The following ACLY variants were observed in gnomAD, a reference collection of about 807,000 sequenced individuals.
The protein encoded by ACLY is ATP-citrate synthase.
ACLY carries 41 observed loss-of-function variants against 133.0 expected under a neutral mutation model. That is an observed-to-expected ratio of 0.31 (90% CI 0.24 to 0.40). ACLY has a LOEUF of 0.40. Ranked by LOEUF, ACLY falls within the 10% of genes least tolerant of loss-of-function variation. The pLI is 1.00. For synonymous variants in ACLY, 495 were observed against 549.3 expected (o/e 0.90, Z 1.38); for missense variants, 1,046 against 1,453.8 (o/e 0.72, Z 4.56).
intron 4 of ACLY, 97 bp downstream of exon 4, chr17:41,910,125 C>T: frequency 1.6e-6 from 2 of 1,259,638 alleles, no homozygotes. Context: ...GTCCCTCTGA[C>T]TGTCCTCATC....
intron 1 of ACLY, among the ~76,000 whole-genome samples, chr17:41,925,019 C>G (rs182851991): frequency 7.2e-4 from 98 of 135,486 alleles, no homozygotes; most frequent in Non-Finnish European, 1.1e-3. Context: ...AAACTTATCT[C>G]TGAATGAGTT....
At position 41,912,508 on chromosome 17, in the gene ACLY, C is replaced by T. The variant is rs2049934044; in HGVS notation, c.194G>A (p.Arg65His). 4 of 1,614,196 alleles carry T rather than the reference C, an allele frequency of 2.5e-6. No individual in the cohort carries two copies. The highest frequency in any genetic ancestry group is 1.7e-5 in the Admixed American group (1 of 60,016). The change falls in exon 3 of 29, where the codon CGT (arginine) becomes CAT (histidine). Residue 65 changes from arginine to histidine, a missense_variant. By Grantham distance (29) the Arg-to-His change is conservative. Transcript: ENST00000352035. ...CCCAACGAGACCAAGTTTTCCACGACGTTTGATCAGCTGGTCTGGCTTGAC... is the reference window on the plus strand; with the variant it reads ...CCCAACGAGACCAAGTTTTCCACGATGTTTGATCAGCTGGTCTGGCTTGAC... ...LVVKPDQLIK[R>H]RGKLGLVGVN...
chr17:41,876,928 A>G (rs1555626293), intron 22 of ACLY, among the ~76,000 whole-genome samples: 1 of 151,932 alleles, frequency 6.6e-6, no homozygotes, highest in Admixed American at 6.6e-5. Context: ...AAAATAAAAA[A>G]GGAAAAAAAA....
intron 1 of ACLY, among the ~76,000 whole-genome samples, chr17:41,916,530 C>T (rs530291061): frequency 2.7e-3 from 200 of 73,776 alleles, no homozygotes; most frequent in South Asian, 0.015. Flanking sequence ...CACGCCACCA[C>T]GCCCATCTAA....
chr17:41,925,253 G>C (rs2050229140), intron 1 of ACLY, among the ~76,000 whole-genome samples: 1 of 151,444 alleles, frequency 6.6e-6, no homozygotes, highest in Admixed American at 6.6e-5. Flanking sequence ...CTGGGCGACA[G>C]AGCGAAACTC....
intron 18 of ACLY, among the ~76,000 whole-genome samples, chr17:41,885,740 G>A (rs2049031130): frequency 6.6e-6 from 1 of 152,108 alleles, no homozygotes; most frequent in Non-Finnish European, 1.5e-5. Flanking sequence ...TTAAGTAACC[G>A]GACCAGGATG....
chr17:41,873,791 C>T lies in ACLY; in HGVS notation c.2642+20G>A. 6.5e-7 allele frequency: 1 copy of T among 1,541,068 alleles called. No homozygotes were observed. Among genetic ancestry groups the T allele is most frequent in the Non-Finnish European group, 8.8e-7 (1 of 1,137,402 alleles). On this transcript the variant is annotated intron_variant, in intron 23 of 28. Coordinates refer to ENST00000352035, the MANE Select transcript of ACLY (RefSeq NM_001096.3). ...ACTCTGAGCTGCAGGGCCCTGTAAT[C>T]TTCTGCCCTCCATGCTCACCTTTTC... is the stretch of plus-strand genomic sequence containing the variant.
rs781958130 is a variant in ACLY, at chr17:41,897,885, G to A, written c.1339-46C>T. On this transcript the variant is annotated intron_variant, in intron 12 of 28. Coordinates refer to ENST00000352035, the MANE Select transcript of ACLY (RefSeq NM_001096.3). Reference sequence around the variant, plus strand: ...AGTGTAAGAGGTAAGAGTCACACCTGGGAAAAAAGCCACTGGTCCTTAAAG... The same window carrying A: ...AGTGTAAGAGGTAAGAGTCACACCTAGGAAAAAAGCCACTGGTCCTTAAAG... 1.9e-6 allele frequency: 3 copies of A among 1,550,886 alleles called. No individual in the cohort carries two copies. In the East Asian group the frequency reaches 6.9e-5, roughly 36 times the overall value.
Position 41,867,629 on chromosome 17 carries a change from T to C in ACLY, c.*181A>G, listed in dbSNP as rs2048498540. On this transcript the variant is annotated 3_prime_UTR_variant, in exon 29 of 29. Coordinates refer to ENST00000352035, the MANE Select transcript of ACLY (RefSeq NM_001096.3). ...GCTTATAAAAAAAATATGAAGCTTC[T>C]TTGTGTGGACTGAAGGGGTGTTAGC... The C allele has an allele frequency of 2.4e-6, 1 of 425,302 alleles. No homozygotes were observed. The highest frequency in any genetic ancestry group is 5.3e-5 in the South Asian group (1 of 18,726). The allele number at this position is 425,302 out of a possible 1,614,324, so 26.3% of individuals were successfully genotyped here.
intron 20 of ACLY, among the ~76,000 whole-genome samples, chr17:41,882,231 G>A (rs782767903): frequency 4.6e-5 from 7 of 151,662 alleles, no homozygotes; most frequent in East Asian, 1.9e-4. Context: ...GCTGGGTGTG[G>A]TGGCATGCGC....
chr17:41,871,210 A>G (rs1216175108), intron 25 of ACLY, among the ~76,000 whole-genome samples: 2 of 152,246 alleles, frequency 1.3e-5, no homozygotes, highest in Admixed American at 6.5e-5. Flanking sequence ...AATCTGTATT[A>G]TAACATGGAA....
chr17:41,868,649 G>T (rs985563134), intron 28 of ACLY, 60 bp downstream of exon 28: 17 of 1,293,090 alleles, frequency 1.3e-5, no homozygotes, highest in Non-Finnish European at 4.4e-6. Context: ...ATGAGTAAGT[G>T]GTGTAGCTGA....
At chr17:41,879,402 GCC>G (rs1198176039) in intron 20 of ACLY, among the ~76,000 whole-genome samples, 1 of 143,182 alleles carries the variant, frequency 7.0e-6, no homozygotes. Flanking sequence ...CACCACGCCT[GCC>G]CCCCCCGCCT....
chr17:41,912,627 G>T, intron 2 of ACLY, 85 bp from the exon 3 acceptor site: 1 of 1,528,920 alleles, frequency 6.5e-7, no homozygotes, highest in South Asian at 1.2e-5. Context: ...GGACAGCAGG[G>T]ATTGACTTCC....
At chr17:41,917,965 A>G (rs2050096670) in intron 1 of ACLY, among the ~76,000 whole-genome samples, 1 of 152,200 alleles carries the variant, frequency 6.6e-6, no homozygotes, top group Non-Finnish European at 1.5e-5. Flanking sequence ...TAGCTGGCCA[A>G]ACTGTGCTGT....
At chr17:41,883,482 A>AT (rs1555627698) in intron 19 of ACLY, among the ~76,000 whole-genome samples, 1 of 151,094 alleles carries the variant, frequency 6.6e-6, no homozygotes, top group African/African-American at 2.4e-5. Context: ...CAAACAAGGG[A>AT]TGGGGTTATG....
intron 1 of ACLY, among the ~76,000 whole-genome samples, chr17:41,927,902 C>T (rs369115361): frequency 2.0e-5 from 3 of 151,576 alleles, no homozygotes; most frequent in African/African-American, 4.9e-5. Context: ...TTTGAGAGGC[C>T]GCGGTGGGAG....
At chr17:41,902,694 C>A (rs1186034577) in intron 10 of ACLY, among the ~76,000 whole-genome samples, 1 of 152,212 alleles carries the variant, frequency 6.6e-6, no homozygotes, top group Admixed American at 6.5e-5. Flanking sequence ...ACCAAGTGCC[C>A]TAACCAAGGG....
At chr17:41,923,681 T>C (rs920991239), upstream of ACLY, among the ~76,000 whole-genome samples, 1 of 151,994 alleles carries the variant, frequency 6.6e-6, no homozygotes, top group Non-Finnish European at 1.5e-5. Context: ...ACTGTAAACA[T>C]GACTAAAAAA....
Sources: gnomAD v4.1 joint callset for allele counts (sites outside exome capture counted in the v4.1 genomes callset) on GRCh38, gnomAD v4.1.1 for gene constraint, MANE v1.5 for transcripts, NCBI Gene and HGNC (gene_info 2026-07-23, HGNC 2026-07-21) for gene names.